Variants in TTL observed in about 807,000 individuals in gnomAD.
TTL encodes the protein tubulin tyrosine ligase.
A neutral mutation model predicts 41.1 loss-of-function variants in TTL; 10 were observed. That is an observed-to-expected ratio of 0.24 (90% CI 0.15 to 0.41). TTL has a LOEUF of 0.41. Among genes scored for constraint, TTL ranks in the 10% least tolerant of loss-of-function variants. The pLI is 1.00. For missense variants in TTL, 367 were observed against 460.4 expected, an observed-to-expected ratio of 0.80 and a Z score of 1.86; for synonymous variants, 175 against 175.5, an observed-to-expected ratio of 1.00 and a Z score of 0.02.
chr2:112,491,116 C>T (rs1262243331), intron 2 of TTL, among the ~76,000 whole-genome samples: 2 of 152,068 alleles, frequency 1.3e-5, no homozygotes, highest in Admixed American at 6.6e-5. Flanking sequence ...CTCAGCATCC[C>T]GAGTAGCTGG....
intron 6 of TTL, among the ~76,000 whole-genome samples, chr2:112,523,388 C>T (rs1360453179): frequency 2.0e-5 from 3 of 150,132 alleles, no homozygotes; most frequent in Admixed American, 6.6e-5. Flanking sequence ...GCCCCTTCTT[C>T]TTTATTTCTA....
intron 5 of TTL, among the ~76,000 whole-genome samples, chr2:112,518,649 A>T (rs1256403686): frequency 6.6e-6 from 1 of 150,668 alleles, no homozygotes; most frequent in Non-Finnish European, 1.5e-5. Flanking sequence ...CATGGACGAC[A>T]GTTCCCTGTA....
rs1682479569 is a variant in TTL, at chr2:112,530,462, G to A, written c.*1667G>A. ...GTAGAGCAAAATAAAACAGTCAGTT[G>A]TAGTCATTAATCCTTGAGGCCCAAC... is the stretch of plus-strand genomic sequence containing the variant. On this transcript the variant is annotated 3_prime_UTR_variant, in exon 7 of 7. Coordinates refer to ENST00000233336, the MANE Select transcript of TTL (RefSeq NM_153712.5). 2 of 228,054 alleles carry A rather than the reference G, an allele frequency of 8.8e-6. No individual in the cohort carries two copies. Among genetic ancestry groups the A allele is most frequent in the African/African-American group, 2.2e-5 (1 of 45,038 alleles). The allele number at this position is 228,054 out of a possible 1,614,324, so 14.1% of individuals were successfully genotyped here.
rs948706093 is a variant in TTL at position 112,537,669 on chromosome 2, T to C, written c.*8874T>C. On this transcript the variant is annotated 3_prime_UTR_variant, in exon 7 of 7. Transcript: ENST00000233336. The stretch of plus-strand genomic sequence containing the variant: ...TATATTGATAAAAGGGTCAGTCCAT[T>C]AGGAAAATATGACAATTATAAACAT... 3 of 152,228 alleles carry C rather than the reference T, an allele frequency of 2.0e-5. No individual in the cohort carries two copies. Among genetic ancestry groups the C allele is most frequent in the Non-Finnish European group, 4.4e-5 (3 of 68,046 alleles). 9.4% of individuals were successfully genotyped at this position (152,228 alleles called of 1,614,324 possible).
chr2:112,518,424 AT>A (rs1271065490), intron 5 of TTL, among the ~76,000 whole-genome samples: 2 of 151,974 alleles, frequency 1.3e-5, no homozygotes, highest in Non-Finnish European at 2.9e-5. Flanking sequence ...TAAATGACTC[AT>A]CTTAAAAGAA....
At chr2:112,499,896 T>C (rs1206520255) in intron 3 of TTL, among the ~76,000 whole-genome samples, 1 of 152,196 alleles carries the variant, frequency 6.6e-6, no homozygotes, top group Admixed American at 6.5e-5. Context: ...TTCCTGAGAA[T>C]TGAAAATATA....
In TTL at chr2:112,528,718, A is replaced by G. The variant is rs745392240; in HGVS notation, c.1057A>G (p.Ile353Val). ...YAELCQGIVD[I>V]AISSVFPPPD... Reference sequence around the variant, plus strand: ...AGAACTGTGCCAAGGCATCGTGGACATAGCCATTTCCAGTGTCTTCCCACC... The same window carrying G: ...AGAACTGTGCCAAGGCATCGTGGACGTAGCCATTTCCAGTGTCTTCCCACC... Residue 353 changes from isoleucine (I) to valine (V), a missense_variant, in exon 7 of 7, where the codon ATA becomes GTA. Ile to Val is a conservative substitution (Grantham distance 29). Coordinates refer to ENST00000233336, the MANE Select transcript of TTL (RefSeq NM_153712.5). 3.1e-6 allele frequency: 5 copies of G among 1,614,198 alleles called. No homozygotes were observed. Among genetic ancestry groups the G allele is most frequent in the Admixed American group, 3.3e-5 (2 of 60,024 alleles).
chr2:112,516,403 C>A lies in TTL; in HGVS notation c.876-3879C>A, dbSNP rs374512274. 3.9e-5 allele frequency among the ~76,000 whole-genome samples: 6 copies of A among 152,318 alleles called. No homozygotes were observed. The South Asian group carries it at 1.2e-3, about 32-fold the overall frequency. ...TACAAATCAGGTGGCTGGCTGGGCACAGTGGCTCACACCTGTAATCCTAGC... is the reference window on the plus strand; with the variant it reads ...TACAAATCAGGTGGCTGGCTGGGCAAAGTGGCTCACACCTGTAATCCTAGC... On this transcript the variant is annotated intron_variant, in intron 5 of 6. Transcript: ENST00000233336.
chr2:112,521,035 G>T (rs1391324242), intron 6 of TTL, among the ~76,000 whole-genome samples: 1 of 152,190 alleles, frequency 6.6e-6, no homozygotes, highest in South Asian at 2.1e-4. Context: ...AGGATCCTAT[G>T]ATGTGGCGAC....
At chr2:112,503,860 T>C (rs1356639202) in intron 5 of TTL, among the ~76,000 whole-genome samples, 2 of 120,266 alleles carry the variant, frequency 1.7e-5, no homozygotes, top group Non-Finnish European at 3.5e-5. Flanking sequence ...ATGTGCACAT[T>C]GTGCAGGTTA....
intron 4 of TTL, 56 bp from the exon 5 acceptor site, chr2:112,502,856 T>C: frequency 6.4e-7 from 1 of 1,558,344 alleles, no homozygotes; most frequent in Non-Finnish European, 8.7e-7. Context: ...TTGATGTATA[T>C]AATATGCAGA....
chr2:112,488,979 T>C (rs1574053947), intron 2 of TTL, among the ~76,000 whole-genome samples: 1 of 149,768 alleles, frequency 6.7e-6, no homozygotes, highest in African/African-American at 2.5e-5. Context: ...CCCAGCTACT[T>C]GGGAGGCTGA....
In TTL at chr2:112,535,507, C is replaced by G. The variant is rs1323381349; in HGVS notation, c.*6712C>G. The G allele has an allele frequency of 6.6e-6, 1 of 151,818 alleles. No individual in the cohort carries two copies. Among genetic ancestry groups the G allele is most frequent in the Non-Finnish European group, 1.5e-5 (1 of 67,994 alleles). The allele number at this position is 151,818 out of a possible 1,614,324, so 9.4% of individuals were successfully genotyped here. ...CTCAAAGAGTCCACCTCAAGACACACCAGCCACTAAGTAAATAATTTTAAA... is the reference window on the plus strand; with the variant it reads ...CTCAAAGAGTCCACCTCAAGACACAGCAGCCACTAAGTAAATAATTTTAAA... On this transcript the variant is annotated 3_prime_UTR_variant, in exon 7 of 7. Coordinates refer to ENST00000233336, the MANE Select transcript of TTL (RefSeq NM_153712.5).
intron 5 of TTL, 138 bp from the exon 6 acceptor site, chr2:112,520,144 A>C: frequency 9.1e-7 from 1 of 1,094,060 alleles, no homozygotes; most frequent in Non-Finnish European, 1.3e-6. Context: ...AAAAAAAAAA[A>C]AAAAAAGGAA....
intron 6 of TTL, 191 bp downstream of exon 6, chr2:112,520,616 G>GA: frequency 3.8e-6 from 1 of 261,602 alleles, no homozygotes; most frequent in Non-Finnish European, 5.7e-6. Flanking sequence ...CCGTGTATAG[G>GA]CCAGATAGGC....
intron 5 of TTL, 103 bp from the exon 6 acceptor site, chr2:112,520,179 G>T: frequency 1.4e-4 from 148 of 1,034,342 alleles, no homozygotes; most frequent in Non-Finnish European, 1.9e-4. Context: ...CTGATAAGCT[G>T]ATATTTGTAT....
At chr2:112,519,822 T>C (rs868351976) in intron 5 of TTL, among the ~76,000 whole-genome samples, 16 of 151,932 alleles carry the variant, frequency 1.1e-4, no homozygotes, top group Non-Finnish European at 2.1e-4. Context: ...AGTAACCTAA[T>C]GGTAATAAGT....
chr2:112,525,267 A>G (rs983744999), intron 6 of TTL, among the ~76,000 whole-genome samples: 6 of 152,134 alleles, frequency 3.9e-5, no homozygotes, highest in African/African-American at 7.2e-5. Flanking sequence ...TTGTCTTGGC[A>G]ATGCGGGCTC....
At chr2:112,486,506 A>G (rs991338257) in intron 2 of TTL, among the ~76,000 whole-genome samples, 2 of 152,208 alleles carry the variant, frequency 1.3e-5, no homozygotes, top group Non-Finnish European at 2.9e-5. Context: ...AGAAGGGCAT[A>G]TATAGCCCGT....
Sources: allele counts gnomAD v4.1 joint callset (sites outside exome capture counted in the v4.1 genomes callset), GRCh38; gene constraint gnomAD v4.1.1; transcripts MANE v1.5; gene names NCBI Gene and HGNC (gene_info 2026-07-23, HGNC 2026-07-21).